ZC3H11A: variants seen among roughly 807,000 people sequenced by gnomAD.
The protein encoded by ZC3H11A is zinc finger CCCH domain-containing protein 11A.
In ZC3H11A, 22 loss-of-function variants were observed where a neutral mutation model predicts 90.8. The observed-to-expected ratio is 0.24, with a 90% CI of 0.17 to 0.35. The LOEUF (loss-of-function observed/expected upper bound fraction) is 0.35, where lower values mean the gene tolerates loss of function less well. Among genes scored for constraint, ZC3H11A ranks in the 10% least tolerant of loss-of-function variants. ZC3H11A has a pLI of 1.00. For synonymous variants in ZC3H11A, 294 were observed against 339.8 expected (o/e 0.87, Z 1.48); for missense variants, 701 against 964.9 (o/e 0.73, Z 3.62).
At chr1:203,830,234 G>T (rs746792462) in intron 8 of ZC3H11A, 31 bp downstream of exon 8, 2 of 1,529,008 alleles carry the variant, frequency 1.3e-6, no homozygotes. Context: ...ATGGATAGTT[G>T]TATGTTGCTA....
chr1:203,840,694 C>T (rs1479916912), intron 12 of ZC3H11A, among the ~76,000 whole-genome samples: 1 of 151,770 alleles, frequency 6.6e-6, no homozygotes, highest in African/African-American at 2.4e-5. Flanking sequence ...AGTTAAATGG[C>T]AAGGTCTCAG....
intron 2 of ZC3H11A, among the ~76,000 whole-genome samples, chr1:203,804,656 T>C (rs1671644334): frequency 6.6e-6 from 1 of 151,234 alleles, no homozygotes; most frequent in African/African-American, 2.4e-5. Flanking sequence ...TTCTGGATTT[T>C]TTTCTTTTTT....
At chr1:203,813,973 T>G (rs1412025433) in intron 2 of ZC3H11A, among the ~76,000 whole-genome samples, 1 of 3,162 alleles carries the variant, frequency 3.2e-4, no homozygotes, top group Non-Finnish European at 5.7e-4. Flanking sequence ...ACATTCTTGT[T>G]TTTTTTTTTT....
At chr1:203,799,141 T>G (rs1363979535) in intron 1 of ZC3H11A, 2 of 1,505,094 alleles carry the variant, frequency 1.3e-6, no homozygotes, top group African/African-American at 1.4e-5. Context: ...ACCAATATTT[T>G]ACAAGAATTA....
chr1:203,800,207 G>A (rs1280201260), intron 1 of ZC3H11A: 1 of 1,496,094 alleles, frequency 6.7e-7, no homozygotes. Context: ...TAAGCATATG[G>A]CCGGCTTTGA....
At chr1:203,803,343 C>T (rs1305145763) in intron 2 of ZC3H11A, among the ~76,000 whole-genome samples, 3 of 152,012 alleles carry the variant, frequency 2.0e-5, no homozygotes. Context: ...AGATGTGCAC[C>T]ACTACACCGG....
At chr1:203,813,289 C>G (rs1675144955) in intron 2 of ZC3H11A, among the ~76,000 whole-genome samples, 1 of 151,926 alleles carries the variant, frequency 6.6e-6, no homozygotes, top group Non-Finnish European at 1.5e-5. Context: ...TCACTGCAAC[C>G]TCCGCCTCCC....
At chr1:203,806,689 T>C (rs564842857) in intron 2 of ZC3H11A, among the ~76,000 whole-genome samples, 11 of 152,332 alleles carry the variant, frequency 7.2e-5, no homozygotes, top group African/African-American at 2.6e-4. Context: ...TGTCCTTTTT[T>C]CGCTTATCTT....
In ZC3H11A at chr1:203,801,934, T is replaced by C. The variant is rs1571901657; in HGVS notation, c.-1228T>C. 2 of 152,742 alleles carry C rather than the reference T, an allele frequency of 1.3e-5. No individual in the cohort carries two copies. Among genetic ancestry groups the C allele is most frequent in the South Asian group, 4.1e-4 (2 of 4,832 alleles). 9.5% of individuals were successfully genotyped at this position (152,742 alleles called of 1,614,324 possible). On this transcript the variant is annotated 5_prime_UTR_variant, in exon 2 of 18. Transcript: ENST00000367210. ...AATGTATACTTACAAAGTCTTTAGC[T>C]GTAGCCATTAGTAGTAAAGAATTTG...
chr1:203,837,576 G>A (rs867303557), intron 10 of ZC3H11A, among the ~76,000 whole-genome samples: 1 of 151,774 alleles, frequency 6.6e-6, no homozygotes, highest in African/African-American at 2.4e-5. Context: ...CTGGGCTCAA[G>A]TGATCCTTCT....
chr1:203,825,368 G>A (rs1179480072), intron 4 of ZC3H11A, among the ~76,000 whole-genome samples: 16 of 151,008 alleles, frequency 1.1e-4, no homozygotes, highest in Non-Finnish European at 2.4e-4. Context: ...TGGATCATGT[G>A]CTGTATTACT....
chr1:203,813,351 C>G (rs1048448756), intron 2 of ZC3H11A, among the ~76,000 whole-genome samples: 4 of 152,094 alleles, frequency 2.6e-5, no homozygotes, highest in Non-Finnish European at 5.9e-5. Flanking sequence ...GGATCACAGG[C>G]ATTCACCACC....
chr1:203,843,470 C>A (rs530751434), intron 12 of ZC3H11A, among the ~76,000 whole-genome samples: 1 of 152,106 alleles, frequency 6.6e-6, no homozygotes, highest in Non-Finnish European at 1.5e-5. Flanking sequence ...TTTTGGCTAA[C>A]CTTCTGTGAG....
intron 2 of ZC3H11A, among the ~76,000 whole-genome samples, chr1:203,813,923 CA>C (rs1478269522): frequency 6.6e-6 from 1 of 151,858 alleles, no homozygotes; most frequent in Non-Finnish European, 1.5e-5. Flanking sequence ...TAATCTCCAA[CA>C]AACTGTTGCC....
chr1:203,844,820 CT>C (rs1444282397), intron 12 of ZC3H11A, among the ~76,000 whole-genome samples: 2 of 152,034 alleles, frequency 1.3e-5, no homozygotes, highest in African/African-American at 4.8e-5. Flanking sequence ...TTGCTGTTTA[CT>C]TTTATCCCTC....
At chr1:203,843,523 T>C (rs532974993) in intron 12 of ZC3H11A, among the ~76,000 whole-genome samples, 2 of 152,326 alleles carry the variant, frequency 1.3e-5, no homozygotes, top group South Asian at 4.1e-4. Context: ...TGACAATTTT[T>C]TTCCTGTAAA....
At chr1:203,829,979 T>C (rs541001375) in intron 7 of ZC3H11A, 83 bp downstream of exon 7, 484 of 1,414,632 alleles carry the variant, frequency 3.4e-4, no homozygotes, top group Non-Finnish European at 4.6e-4. Flanking sequence ...GACCTCCCTC[T>C]TCTTTTTCCC....
chr1:203,824,833 A>G (rs562656455), intron 4 of ZC3H11A, among the ~76,000 whole-genome samples: 6 of 152,244 alleles, frequency 3.9e-5, no homozygotes, highest in African/African-American at 1.4e-4. Flanking sequence ...TAATCCCAGC[A>G]CTTTGGGAGG....
chr1:203,820,917 A>C (rs566267353), intron 4 of ZC3H11A, among the ~76,000 whole-genome samples: 1 of 152,222 alleles, frequency 6.6e-6, no homozygotes, highest in South Asian at 2.1e-4. Flanking sequence ...TAATTAATAA[A>C]TATTTTGTGG....
Sources: allele counts gnomAD v4.1 joint callset (sites outside exome capture counted in the v4.1 genomes callset), GRCh38; gene constraint gnomAD v4.1.1; transcripts MANE v1.5; gene names NCBI Gene and HGNC (gene_info 2026-07-23, HGNC 2026-07-21).